Variants in HS3ST3A1 observed in about 807,000 individuals in gnomAD.
The protein encoded by HS3ST3A1 is heparan sulfate-glucosamine 3-sulfotransferase 3A1, also known as heparan sulfate glucosamine 3-O-sulfotransferase 3A1.
In HS3ST3A1, 19 loss-of-function variants were observed where a neutral mutation model predicts 25.7. The ratio of observed to expected loss-of-function variants is 0.74; its 90% CI spans 0.52 to 1.08. HS3ST3A1 has a LOEUF of 1.08. HS3ST3A1 is among the 50% of genes least tolerant of loss of function. The pLI is 0.00. For synonymous variants in HS3ST3A1, 226 were observed against 278.6 expected (o/e 0.81, Z 1.88); for missense variants, 459 against 594.3 (o/e 0.77, Z 2.37).
At chr17:13,511,153 G>A (rs1415159314) in intron 1 of HS3ST3A1, among the ~76,000 whole-genome samples, 1 of 152,102 alleles carries the variant, frequency 6.6e-6, no homozygotes. Flanking sequence ...CCCACAATTT[G>A]GTAGTTCCCA....
chr17:13,591,315 G>A (rs566512950), intron 1 of HS3ST3A1, among the ~76,000 whole-genome samples: 96 of 152,072 alleles, frequency 6.3e-4, no homozygotes, highest in South Asian at 1.0e-3. Flanking sequence ...CCAAAGTGCT[G>A]GGATTACAGG....
chr17:13,556,554 A>G (rs1262157725), intron 1 of HS3ST3A1, among the ~76,000 whole-genome samples: 4 of 150,252 alleles, frequency 2.7e-5, no homozygotes, highest in African/African-American at 1.0e-4. Context: ...GATAAAAAAT[A>G]AAAAGAAAGC....
intron 1 of HS3ST3A1, among the ~76,000 whole-genome samples, chr17:13,501,675 G>T (rs1168402462): frequency 3.3e-5 from 5 of 151,976 alleles, no homozygotes; most frequent in Admixed American, 6.6e-5. Flanking sequence ...CAAGCCAAAG[G>T]TTCAAAATTC....
Position 13,527,039 on chromosome 17 carries a change from A to G in HS3ST3A1, c.600-30221T>C, listed in dbSNP as rs958682923. Among the ~76,000 whole-genome samples, 5 of 152,164 alleles carry G rather than the reference A, an allele frequency of 3.3e-5. No individual in the cohort carries two copies. In the East Asian group the frequency reaches 9.7e-4, roughly 30 times the overall value. ...GGAACTGAGAATCCCATTTCCAGAGACTTCCTGCACAATGGATTGTTCCAG... is the reference window on the plus strand; with the variant it reads ...GGAACTGAGAATCCCATTTCCAGAGGCTTCCTGCACAATGGATTGTTCCAG... On this transcript the variant is annotated intron_variant, in intron 1 of 1. Transcript: ENST00000284110.
chr17:13,528,538 G>C (rs928460517), intron 1 of HS3ST3A1, among the ~76,000 whole-genome samples: 1 of 152,206 alleles, frequency 6.6e-6, no homozygotes, highest in Non-Finnish European at 1.5e-5. Context: ...GGCAGAGACT[G>C]TCAGGTCTGC....
chr17:13,524,482 G>A (rs1266208304), intron 1 of HS3ST3A1, among the ~76,000 whole-genome samples: 5 of 152,128 alleles, frequency 3.3e-5, no homozygotes, highest in Non-Finnish European at 5.9e-5. Flanking sequence ...GAGGACTCTG[G>A]TGAGCTGCCT....
At chr17:13,526,420 CACTT>C (rs907454656) in intron 1 of HS3ST3A1, among the ~76,000 whole-genome samples, 18 of 144,380 alleles carry the variant, frequency 1.2e-4, no homozygotes, top group Non-Finnish European at 2.1e-4. Context: ...GGGAAGGAAA[CACTT>C]AAAGCAAAAA....
At chr17:13,565,583 C>T (rs1031725153) in intron 1 of HS3ST3A1, among the ~76,000 whole-genome samples, 6 of 152,148 alleles carry the variant, frequency 3.9e-5, no homozygotes, top group African/African-American at 1.2e-4. Flanking sequence ...TAACACTGCC[C>T]TCCACTTCAC....
intron 1 of HS3ST3A1, among the ~76,000 whole-genome samples, chr17:13,523,879 T>G (rs1906327279): frequency 6.6e-6 from 1 of 152,192 alleles, no homozygotes. Flanking sequence ...CTTTTTGTTC[T>G]TTTTCAAGTT....
intron 1 of HS3ST3A1, among the ~76,000 whole-genome samples, chr17:13,560,289 C>CAAA (rs10632927): frequency 0.045 from 788 of 17,374 alleles, 240 homozygotes; most frequent in Non-Finnish European, 0.063. Context: ...CACTCGTCTC[C>CAAA]AAAAAAAAAA....
Position 13,494,744 on chromosome 17 carries a change from T to C in HS3ST3A1, c.*1453A>G, listed in dbSNP as rs1008521254. Among the ~76,000 whole-genome samples the C allele has an allele frequency of 6.6e-6, 1 of 152,182 alleles. No individual in the cohort carries two copies. The highest frequency in any genetic ancestry group is 1.5e-5 in the Non-Finnish European group (1 of 68,028). ...TAATTCCCATTAATGCTAATCTTGT[T>C]AATACCCACTCAGAGAGGAAAGGAA... On this transcript the variant is annotated 3_prime_UTR_variant, in exon 2 of 2. Transcript: ENST00000284110.
rs937345697 is a variant in HS3ST3A1, at chr17:13,495,491, A to G, written c.*706T>C. On this transcript the variant is annotated 3_prime_UTR_variant, in exon 2 of 2. Coordinates refer to ENST00000284110, the MANE Select transcript of HS3ST3A1 (RefSeq NM_006042.3). ...ATCTGAAAACTACCTAACCATTTCT[A>G]AAGGTGCAGATGTCTTCTTTTCCAT... Among the ~76,000 whole-genome samples the G allele has an allele frequency of 2.6e-5, 4 of 152,166 alleles. No individual in the cohort carries two copies. The highest frequency in any genetic ancestry group is 1.3e-4 in the Admixed American group (2 of 15,282).
intron 1 of HS3ST3A1, among the ~76,000 whole-genome samples, chr17:13,512,454 T>C (rs1388915510): frequency 6.6e-6 from 1 of 152,152 alleles, no homozygotes; most frequent in Non-Finnish European, 1.5e-5. Flanking sequence ...GCATGACGTT[T>C]CCTTTTGACG....
chr17:13,505,944 T>C (rs1905653272), intron 1 of HS3ST3A1, among the ~76,000 whole-genome samples: 2 of 151,074 alleles, frequency 1.3e-5, no homozygotes, highest in South Asian at 4.2e-4. Flanking sequence ...AATGAATCAC[T>C]TGAACCCGGG....
chr17:13,600,588 A>G lies in HS3ST3A1; in HGVS notation c.542T>C (p.Val181Ala), dbSNP rs1908694818. 6.2e-7 allele frequency: 1 copy of G among 1,600,972 alleles called. No homozygotes were observed. ...FLRVHPDVRAVGAEPHFFDRS... is the reference protein window; with the variant it reads ...FLRVHPDVRAAGAEPHFFDRS... ...GTCGAAGAAGTGGGGCTCGGCGCCC[A>G]CGGCGCGCACGTCGGGGTGCACGCG... The change falls in exon 1 of 2, where the codon GTG (valine) becomes GCG (alanine). Residue 181 changes from valine (V) to alanine (A), a missense_variant. Physicochemically the swap from Val to Ala is moderately conservative, Grantham distance 64 (BLOSUM62 0). Transcript: ENST00000284110.
intron 1 of HS3ST3A1, among the ~76,000 whole-genome samples, chr17:13,594,898 A>T (rs912609961): frequency 6.6e-6 from 1 of 151,870 alleles, no homozygotes; most frequent in African/African-American, 2.4e-5. Flanking sequence ...CTCTATCATG[A>T]TGAGGTTTTT....
intron 1 of HS3ST3A1, among the ~76,000 whole-genome samples, chr17:13,573,957 C>T (rs902929591): frequency 4.6e-5 from 7 of 152,120 alleles, no homozygotes; most frequent in East Asian, 1.9e-4. Context: ...GCTCTTCCCA[C>T]GCCTTGGTCT....
At chr17:13,522,472 A>G (rs180733527) in intron 1 of HS3ST3A1, among the ~76,000 whole-genome samples, 31 of 152,318 alleles carry the variant, frequency 2.0e-4, no homozygotes, top group Middle Eastern at 3.4e-3. Context: ...TGTCTACCTT[A>G]GATAATATAA....
At chr17:13,586,533 T>C (rs1469893095) in intron 1 of HS3ST3A1, among the ~76,000 whole-genome samples, 1 of 152,062 alleles carries the variant, frequency 6.6e-6, no homozygotes, top group Middle Eastern at 3.2e-3. Flanking sequence ...TCTTGAACTG[T>C]AGTTAACCCA....
Sources: allele counts gnomAD v4.1 joint callset (sites outside exome capture counted in the v4.1 genomes callset), GRCh38; gene constraint gnomAD v4.1.1; transcripts MANE v1.5; gene names NCBI Gene and HGNC (gene_info 2026-07-23, HGNC 2026-07-21).